CAMK2B: variants seen among roughly 807,000 people sequenced by gnomAD.
CAMK2B encodes the protein calcium/calmodulin dependent protein kinase II beta.
A neutral mutation model predicts 93.7 loss-of-function variants in CAMK2B; 27 were observed. The ratio of observed to expected loss-of-function variants is 0.29; its 90% confidence interval spans 0.21 to 0.40. CAMK2B has a LOEUF of 0.40. CAMK2B is among the 10% of genes least tolerant of loss of function. CAMK2B has a pLI of 1.00. For missense variants in CAMK2B, 568 were observed against 895.8 expected, an observed-to-expected ratio of 0.63 and a Z score of 4.67; for synonymous variants, 374 against 358.8, an observed-to-expected ratio of 1.04 and a Z score of -0.48.
At chr7:44,292,263 C>T (rs1039162351) in intron 1 of CAMK2B, among the ~76,000 whole-genome samples, 3 of 152,170 alleles carry the variant, frequency 2.0e-5, no homozygotes, top group African/African-American at 4.8e-5. Context: ...ACCCGTTTTA[C>T]AAGAACGACA....
rs953834754 is a variant in CAMK2B, at chr7:44,311,282, G to A, written c.65+14075C>T. 4.6e-5 allele frequency among the ~76,000 whole-genome samples: 7 copies of A among 152,098 alleles called. No homozygotes were observed. Among genetic ancestry groups the A allele is most frequent in the African/African-American group, 1.7e-4 (7 of 41,412 alleles). On this transcript the variant is annotated intron_variant, in intron 1 of 23. Transcript: ENST00000395749. The surrounding 1 kb of genome is among the most constrained non-coding windows in gnomAD (Gnocchi z 4.2). ...GTAGACATGGGGTTTCACCATGTTGGCCAGGCTGGTCTCGAACTCCTGACT... is the reference window on the plus strand; with the variant it reads ...GTAGACATGGGGTTTCACCATGTTGACCAGGCTGGTCTCGAACTCCTGACT...
chr7:44,302,322 G>A (rs75384701), intron 1 of CAMK2B, among the ~76,000 whole-genome samples: 256 of 152,244 alleles, frequency 1.7e-3, no homozygotes, highest in African/African-American at 5.9e-3. Flanking sequence ...TACCAAACAT[G>A]TAAAGAAGAA....
chr7:44,302,292 A>G (rs966391234), intron 1 of CAMK2B, among the ~76,000 whole-genome samples: 1 of 152,216 alleles, frequency 6.6e-6, no homozygotes, highest in African/African-American at 2.4e-5. Flanking sequence ...CCAGGCCCAG[A>G]TTGGTTCATT....
At chr7:44,275,545 C>T (rs966280735) in intron 2 of CAMK2B, among the ~76,000 whole-genome samples, 1 of 152,232 alleles carries the variant, frequency 6.6e-6, no homozygotes, top group African/African-American at 2.4e-5. Flanking sequence ...ACACAGGGTG[C>T]CCAGTTAAAT....
At chr7:44,227,142 A>AG (rs1382724531) in intron 19 of CAMK2B, among the ~76,000 whole-genome samples, 1 of 498 alleles carries the variant, frequency 2.0e-3, no homozygotes, top group Non-Finnish European at 4.0e-3. Context: ...ACAGAGGGGG[A>AG]TGTGGGGGAC....
intron 1 of CAMK2B, among the ~76,000 whole-genome samples, chr7:44,290,822 T>C (rs1039578134): frequency 6.6e-6 from 1 of 152,236 alleles, no homozygotes; most frequent in Non-Finnish European, 1.5e-5. Flanking sequence ...TTTCTGCTTA[T>C]GATAATACAA....
intron 3 of CAMK2B, 26 bp from the exon 4 acceptor site, chr7:44,258,952 G>A: frequency 2.5e-6 from 4 of 1,609,498 alleles, no homozygotes; most frequent in Non-Finnish European, 3.4e-6. Context: ...AGCCATGAGG[G>A]GCTGGCAATA....
chr7:44,269,993 C>T lies in CAMK2B; in HGVS notation c.161-6929G>A, dbSNP rs190620424. ...GATGGCTGTAATAATGGTATCTGGC[C>T]CCAGGACTGTGCTGGACTGAAAATG... is the stretch of plus-strand genomic sequence containing the variant. On this transcript the variant is annotated intron_variant, in intron 2 of 23. Coordinates refer to ENST00000395749, the MANE Select transcript of CAMK2B (RefSeq NM_001220.5). Among the ~76,000 whole-genome samples, 50 of 152,214 alleles carry T rather than the reference C, an allele frequency of 3.3e-4. 1 individual carries two copies. In the South Asian group the frequency reaches 6.0e-3, roughly 18 times the overall value.
At chr7:44,223,657 C>T (rs1172554535) in intron 20 of CAMK2B, among the ~76,000 whole-genome samples, 2 of 152,000 alleles carry the variant, frequency 1.3e-5, no homozygotes, top group Non-Finnish European at 2.9e-5. Context: ...TGCCTCTCCC[C>T]TGCCTCATGC....
chr7:44,245,009 C>T (rs777245634), intron 6 of CAMK2B: 7 of 455,328 alleles, frequency 1.5e-5, no homozygotes, highest in Non-Finnish European at 2.2e-5. Flanking sequence ...CCAAGCTCCC[C>T]GTGCAGCTAC....
intron 1 of CAMK2B, among the ~76,000 whole-genome samples, chr7:44,323,401 G>A (rs1796647838): frequency 6.6e-6 from 1 of 152,256 alleles, no homozygotes; most frequent in South Asian, 2.1e-4. Context: ...AAGCCCAGCA[G>A]TCTTAGCCCC....
intron 5 of CAMK2B, among the ~76,000 whole-genome samples, chr7:44,253,440 C>T (rs957333973): frequency 1.3e-5 from 2 of 152,068 alleles, no homozygotes; most frequent in African/African-American, 4.8e-5. Context: ...CTGGAACTCC[C>T]GACCTCAGGT....
At chr7:44,228,663 G>A (rs1257398988) in intron 19 of CAMK2B, 133 bp downstream of exon 19, 2 of 829,726 alleles carry the variant, frequency 2.4e-6, no homozygotes, top group South Asian at 2.5e-5. Context: ...AGCCCCGCCA[G>A]GGCAGGACTC....
Position 44,229,061 on chromosome 7 carries a change from C to T in CAMK2B, c.1340-137G>A, listed in dbSNP as rs752976781. 3 of 841,170 alleles carry T rather than the reference C, an allele frequency of 3.6e-6. No individual in the cohort carries two copies. The South Asian group carries it at 4.3e-5, about 12-fold the overall frequency. 52.1% of individuals were successfully genotyped at this position (841,170 alleles called of 1,614,324 possible). On this transcript the variant is annotated intron_variant, in intron 18 of 23. Transcript: ENST00000395749. ...GGATCAGGCCCTGAATCAGAGCCTGCCTCAATAGCAGGGAGCCCCCCCGCC... is the reference window on the plus strand; with the variant it reads ...GGATCAGGCCCTGAATCAGAGCCTGTCTCAATAGCAGGGAGCCCCCCCGCC...
rs1383187454 is a variant in CAMK2B at position 44,239,626 on chromosome 7, G to T, written c.984C>A (p.Thr328=). ...GCCCCATGGTGGTGCCGGAGGCCGCGGTGGACATTGTGGCCGGAGCGGTGG... is the reference window on the plus strand; with the variant it reads ...GCCCCATGGTGGTGCCGGAGGCCGCTGTGGACATTGTGGCCGGAGCGGTGG... ...RQTTAPATMS[T]AASGTTMGLV... The change falls in exon 13 of 24, where the codon ACC becomes ACA. Residue 328 remains threonine, a synonymous_variant. Coordinates refer to ENST00000395749, the MANE Select transcript of CAMK2B (RefSeq NM_001220.5). 5.0e-5 allele frequency: 78 copies of T among 1,550,306 alleles called. No individual in the cohort carries two copies. Among genetic ancestry groups the T allele is most frequent in the Non-Finnish European group, 6.3e-5 (72 of 1,146,892 alleles).
At chr7:44,277,610 G>T (rs972234853) in intron 2 of CAMK2B, among the ~76,000 whole-genome samples, 1 of 152,156 alleles carries the variant, frequency 6.6e-6, no homozygotes, top group African/African-American at 2.4e-5. Context: ...AGTGAGCGAG[G>T]CCCCTCCACT....
chr7:44,288,299 G>C (rs1364489131), intron 1 of CAMK2B, among the ~76,000 whole-genome samples: 1 of 152,270 alleles, frequency 6.6e-6, no homozygotes, highest in Non-Finnish European at 1.5e-5. Context: ...CGGCAGCATG[G>C]TCCTTGGGCT....
At chr7:44,322,559 C>T (rs1375754421) in intron 1 of CAMK2B, among the ~76,000 whole-genome samples, 3 of 152,178 alleles carry the variant, frequency 2.0e-5, no homozygotes, top group Non-Finnish European at 2.9e-5. Context: ...TGGGCCATGC[C>T]GGGCTGAGGG....
intron 1 of CAMK2B, among the ~76,000 whole-genome samples, chr7:44,301,278 C>A (rs1789937710): frequency 1.3e-5 from 2 of 152,124 alleles, no homozygotes; most frequent in African/African-American, 4.8e-5. Context: ...CAGGCATGCA[C>A]CACCATGCCC....
Sources: gnomAD v4.1 joint callset for allele counts (sites outside exome capture counted in the v4.1 genomes callset) on GRCh38, gnomAD v4.1.1 for gene constraint, Gnocchi (gnomAD v3.1) non-coding constraint, MANE v1.5 for transcripts, NCBI Gene and HGNC (gene_info 2026-07-23, HGNC 2026-07-21) for gene names.